CELSR1: variants seen among roughly 807,000 people sequenced by gnomAD.
The protein encoded by CELSR1 is cadherin EGF LAG seven-pass G-type receptor 1, also known as adhesion G protein-coupled receptor C1.
Under a neutral mutation model 249.1 loss-of-function variants are expected in CELSR1, and 110 were observed. The ratio of observed to expected loss-of-function variants is 0.44; its 90% CI spans 0.38 to 0.52. CELSR1 has a LOEUF of 0.52. Among genes scored for constraint, CELSR1 ranks in the 20% least tolerant of loss-of-function variants. The pLI is 0.00. For synonymous variants in CELSR1, 2,113 were observed against 1,900.0 expected (o/e 1.11, Z -2.92); for missense variants, 4,109 against 4,296.4 (o/e 0.96, Z 1.22).
Position 46,518,330 on chromosome 22 carries a change from C to A in CELSR1, c.3544+15297G>T, listed in dbSNP as rs1038985375. On this transcript the variant is annotated intron_variant, in intron 1 of 34. Coordinates refer to ENST00000674500, the MANE Select transcript of CELSR1 (RefSeq NM_001378328.1). The surrounding 1 kb of genome is among the most constrained non-coding windows in gnomAD (Gnocchi z 5.2). ...TGTGGGGGCACCATCAGCAGGGGCG[C>A]TCAGCCCGTGCCACACTCAGTCTCG... is the stretch of plus-strand genomic sequence containing the variant. Among the ~76,000 whole-genome samples, 3 of 152,238 alleles carry A rather than the reference C, an allele frequency of 2.0e-5. No homozygotes were observed. The highest frequency in any genetic ancestry group is 7.2e-5 in the African/African-American group (3 of 41,470).
At chr22:46,533,506 CAG>C in intron 1 of CELSR1, 119 bp downstream of exon 1, 1 of 1,395,440 alleles carries the variant, frequency 7.2e-7, no homozygotes. Context: ...CAAATCCTTG[CAG>C]AGTTGCCCGG....
rs2078722851 is a variant in CELSR1 at position 46,363,046 on chromosome 22, G to A, written c.*177C>T. On this transcript the variant is annotated 3_prime_UTR_variant, in exon 35 of 35. Coordinates refer to ENST00000674500, the MANE Select transcript of CELSR1 (RefSeq NM_001378328.1). The surrounding 1 kb of genome is among the most constrained non-coding windows in gnomAD (Gnocchi z 4.3). Reference sequence around the variant, plus strand: ...TGGGAGAACCAAGACCTTTGTGTCTGGATGATCAGTCGGGGGGCTGCCACC... The same window carrying A: ...TGGGAGAACCAAGACCTTTGTGTCTAGATGATCAGTCGGGGGGCTGCCACC... 2 of 1,339,724 alleles carry A rather than the reference G, an allele frequency of 1.5e-6. No individual in the cohort carries two copies. Among genetic ancestry groups the A allele is most frequent in the Non-Finnish European group, 2.1e-6 (2 of 952,142 alleles). The allele number at this position is 1,339,724 out of a possible 1,614,324, so 83.0% of individuals were successfully genotyped here.
chr22:46,464,113 G>C lies in CELSR1; in HGVS notation c.3777C>G (p.Asn1259Lys). ...NDTDVSSNILNVTFSALLPGG... is the reference protein window; with the variant it reads ...NDTDVSSNILKVTFSALLPGG... ...CAGGCAGCAGCGCCGAGAAGGTCAC[G>C]TTCAGGATGTTGGAGCTGACGTCGG... Residue 1259 changes from asparagine (N) to lysine (K), a missense_variant, in exon 2 of 35, where the codon AAC becomes AAG. Coordinates refer to ENST00000674500, the MANE Select transcript of CELSR1 (RefSeq NM_001378328.1). The surrounding 1 kb of genome is among the most constrained non-coding windows in gnomAD (Gnocchi z 8.5). 2 of 1,613,878 alleles carry C rather than the reference G, an allele frequency of 1.2e-6. No homozygotes were observed. Among genetic ancestry groups the C allele is most frequent in the Non-Finnish European group, 1.7e-6 (2 of 1,180,040 alleles).
Position 46,399,933 on chromosome 22 carries a change from G to A in CELSR1, c.5227-31C>T. On this transcript the variant is annotated intron_variant, in intron 9 of 34. Coordinates refer to ENST00000674500, the MANE Select transcript of CELSR1 (RefSeq NM_001378328.1). This position sits in a 1 kb window ranked among gnomAD's most constrained non-coding sequence, Gnocchi z 5.0. ...GCAGGGAGAGCCACACCGACTGATT[G>A]GTACAATGACAATGAAAGAGAAAAC... The A allele has an allele frequency of 3.1e-6, 5 of 1,607,676 alleles. No homozygotes were observed. Among genetic ancestry groups the A allele is most frequent in the South Asian group, 1.1e-5 (1 of 90,722 alleles).
At chr22:46,513,362 T>C (rs1214291656) in intron 1 of CELSR1, among the ~76,000 whole-genome samples, 1 of 152,130 alleles carries the variant, frequency 6.6e-6, no homozygotes, top group African/African-American at 2.4e-5. Flanking sequence ...ATTCCCCACG[T>C]GGGGTCCTGA....
rs767839664 is a variant in CELSR1, at chr22:46,535,203, C to T, written c.1968G>A (p.Gly656=). The T allele has an allele frequency of 1.2e-6, 2 of 1,609,268 alleles. No individual in the cohort carries two copies. The highest frequency in any genetic ancestry group is 1.7e-6 in the Non-Finnish European group (2 of 1,179,858). The stretch of plus-strand genomic sequence containing the variant: ...GCGAGCCGTGGTCCACCGCCTCCAC[C>T]CCGAAGCTGTAGTGCTCCACCTCCT... ...DREEVEHYSF[G]VEAVDHGSPP... is the part of the protein sequence containing the mutation. The change falls in exon 1 of 35, where the codon GGG becomes GGA. Residue 656 remains glycine (G), a synonymous_variant. Transcript: ENST00000674500.
chr22:46,526,369 C>T lies in CELSR1; in HGVS notation c.3544+7258G>A, dbSNP rs189603595. On this transcript the variant is annotated intron_variant, in intron 1 of 34. Transcript: ENST00000674500. This position sits in a 1 kb window ranked among gnomAD's most constrained non-coding sequence, Gnocchi z 4.7. ...GGACAGCTAGGTGCTGTGCGTAACC[C>T]GCCAACTCTGCTGGGCCTTTAGCTC... 3.3e-5 allele frequency among the ~76,000 whole-genome samples: 5 copies of T among 152,312 alleles called. 1 individual carries two copies. The highest frequency in any genetic ancestry group is 6.5e-5 in the Admixed American group (1 of 15,294).
rs2079580990 is a variant in CELSR1 at position 46,430,375 on chromosome 22, CT to C, written c.4611+3017del. On this transcript the variant is annotated intron_variant, in intron 5 of 34. Coordinates refer to ENST00000674500, the MANE Select transcript of CELSR1 (RefSeq NM_001378328.1). This position sits in a 1 kb window ranked among gnomAD's most constrained non-coding sequence, Gnocchi z 4.6. Reference sequence around the variant, plus strand: ...GGAGCGTGCTGGGGCAAGGACACAGCTGGGCGGGGCAGGGGGGATGACCGTC... The same window carrying C: ...GGAGCGTGCTGGGGCAAGGACACAGCGGGCGGGGCAGGGGGGATGACCGTC... Among the ~76,000 whole-genome samples, 1 of 152,182 alleles carries C rather than the reference CT, an allele frequency of 6.6e-6. No homozygotes were observed.
rs375122466 is a variant in CELSR1 at position 46,466,236 on chromosome 22, G to A, written c.3545-1891C>T. Among the ~76,000 whole-genome samples the A allele has an allele frequency of 1.5e-3, 231 of 152,296 alleles. 2 individuals are homozygous for A. The South Asian group carries it at 0.025, about 16-fold the overall frequency. The stretch of plus-strand genomic sequence containing the variant: ...GGTGGGAGACGGCCTCAGAGAGTGC[G>A]TTCCTTCCCTCCCCGACCCCAGCTG... On this transcript the variant is annotated intron_variant, in intron 1 of 34. Transcript: ENST00000674500.
intron 5 of CELSR1, among the ~76,000 whole-genome samples, chr22:46,419,155 A>T (rs1425325877): frequency 1.3e-5 from 2 of 152,134 alleles, no homozygotes; most frequent in Non-Finnish European, 2.9e-5. Flanking sequence ...GGGCTCAGCC[A>T]TCGGGACCAG....
Position 46,380,604 on chromosome 22 carries a change from G to A in CELSR1, c.7256+184C>T, listed in dbSNP as rs942250954. On this transcript the variant is annotated intron_variant, in intron 22 of 34. Transcript: ENST00000674500. The surrounding 1 kb of genome is among the most constrained non-coding windows in gnomAD (Gnocchi z 5.1). Reference sequence around the variant, plus strand: ...GTGCATCTGTGTGTGGACATCTAGGGGAGGACTCTGATATTCCCACAGAAG... The same window carrying A: ...GTGCATCTGTGTGTGGACATCTAGGAGAGGACTCTGATATTCCCACAGAAG... Among the ~76,000 whole-genome samples the A allele has an allele frequency of 6.6e-6, 1 of 152,180 alleles. No individual in the cohort carries two copies. The highest frequency in any genetic ancestry group is 1.5e-5 in the Non-Finnish European group (1 of 68,020).
rs937206589 is a variant in CELSR1, at chr22:46,396,453, C to T, written c.5843+152G>A. Reference sequence around the variant, plus strand: ...AAAATTAAAAAAAATTTGATTTTCACTTAATTCATGCCAAATTAAAAAAAA... The same window carrying T: ...AAAATTAAAAAAAATTTGATTTTCATTTAATTCATGCCAAATTAAAAAAAA... On this transcript the variant is annotated intron_variant, in intron 13 of 34. Coordinates refer to ENST00000674500, the MANE Select transcript of CELSR1 (RefSeq NM_001378328.1). The surrounding 1 kb of genome is among the most constrained non-coding windows in gnomAD (Gnocchi z 6.4). 1.1e-5 allele frequency: 8 copies of T among 745,850 alleles called. No individual in the cohort carries two copies. The highest frequency in any genetic ancestry group is 1.5e-5 in the Non-Finnish European group (8 of 536,898). The allele number at this position is 745,850 out of a possible 1,614,324, so 46.2% of individuals were successfully genotyped here.
intron 2 of CELSR1, among the ~76,000 whole-genome samples, chr22:46,451,570 A>G (rs3788690): frequency 0.33 from 50,832 of 152,048 alleles, 9,663 homozygotes; most frequent in African/African-American, 0.51. Context: ...GCTCCAAGCC[A>G]AAGGCTCCAG....
intron 33 of CELSR1, 49 bp from the exon 34 acceptor site, chr22:46,364,300 G>A (rs1403090560): frequency 6.3e-7 from 1 of 1,590,500 alleles, no homozygotes; most frequent in South Asian, 1.1e-5. Flanking sequence ...TGCTGCCGGG[G>A]GCAGCTGCTG....
chr22:46,441,152 CAAAAAAA>C lies in CELSR1; in HGVS notation c.4184-1748_4184-1742del, dbSNP rs553328237. Among the ~76,000 whole-genome samples the C allele has an allele frequency of 2.5e-4, 27 of 106,524 alleles. No homozygotes were observed. The highest frequency in any genetic ancestry group is 5.5e-4 in the African/African-American group (17 of 31,126). 69.9% of individuals were successfully genotyped at this position (106,524 alleles called of 152,430 possible). A position where few individuals can be genotyped will look rare whatever the true frequency, so the allele number is the denominator to read the frequency against. On this transcript the variant is annotated intron_variant, in intron 2 of 34. Coordinates refer to ENST00000674500, the MANE Select transcript of CELSR1 (RefSeq NM_001378328.1). This position sits in a 1 kb window ranked among gnomAD's most constrained non-coding sequence, Gnocchi z 6.1. Reference sequence around the variant, plus strand: ...TAGGTGCCAGAGCGAGACTTCATTTCAAAAAAAAAAAAAAAAGAGAGACTGCTATAAA... The same window carrying C: ...TAGGTGCCAGAGCGAGACTTCATTTCAAAAAAAAAGAGAGACTGCTATAAA...
Position 46,436,332 on chromosome 22 carries a change from G to T in CELSR1, c.4407-43C>A. 1 of 1,497,896 alleles carries T rather than the reference G, an allele frequency of 6.7e-7. No homozygotes were observed. Among genetic ancestry groups the T allele is most frequent in the South Asian group, 1.1e-5 (1 of 88,198 alleles). The allele number at this position is 1,497,896 out of a possible 1,614,324, so 92.8% of individuals were successfully genotyped here. On this transcript the variant is annotated intron_variant, in intron 3 of 34. Coordinates refer to ENST00000674500, the MANE Select transcript of CELSR1 (RefSeq NM_001378328.1). The surrounding 1 kb of genome is among the most constrained non-coding windows in gnomAD (Gnocchi z 5.9). Reference sequence around the variant, plus strand: ...GGCACATCACAGGATGAAGACCCCAGGGTCCAAAGGCTGCCTAGGAATGAC... The same window carrying T: ...GGCACATCACAGGATGAAGACCCCATGGTCCAAAGGCTGCCTAGGAATGAC...
rs59812429 is a variant in CELSR1 at position 46,446,237 on chromosome 22, G to A, written c.4184-6826C>T. On this transcript the variant is annotated intron_variant, in intron 2 of 34. Coordinates refer to ENST00000674500, the MANE Select transcript of CELSR1 (RefSeq NM_001378328.1). The surrounding 1 kb of genome is among the most constrained non-coding windows in gnomAD (Gnocchi z 5.5). The stretch of plus-strand genomic sequence containing the variant: ...ACACTGCAGGCCATCCTCCAGCCCC[G>A]CGTCCTCTCTCTTAGTCTCTGCATG... Among the ~76,000 whole-genome samples the A allele has an allele frequency of 2.5e-3, 388 of 152,240 alleles. 1 individual carries two copies. The highest frequency in any genetic ancestry group is 8.1e-3 in the African/African-American group (336 of 41,508).
intron 22 of CELSR1, among the ~76,000 whole-genome samples, chr22:46,379,214 A>G (rs1044172556): frequency 2.6e-5 from 4 of 152,140 alleles, no homozygotes; most frequent in South Asian, 2.1e-4. Context: ...AGATTGCACA[A>G]TGTTTTATGG....
intron 9 of CELSR1, among the ~76,000 whole-genome samples, chr22:46,400,132 C>G (rs1452318187): frequency 3.9e-5 from 6 of 151,946 alleles, no homozygotes; most frequent in Admixed American, 3.9e-4. Context: ...AAGTTCGTGA[C>G]CAGCCTGGCC....
Sources: gnomAD v4.1 joint callset for allele counts (sites outside exome capture counted in the v4.1 genomes callset) on GRCh38, gnomAD v4.1.1 for gene constraint, Gnocchi (gnomAD v3.1) non-coding constraint, MANE v1.5 for transcripts, NCBI Gene and HGNC (gene_info 2026-07-23, HGNC 2026-07-21) for gene names.